Variants in ANO3 observed in about 807,000 individuals in gnomAD.
The protein encoded by ANO3 is anoctamin-3.
Under a neutral mutation model 144.8 loss-of-function variants are expected in ANO3, and 99 were observed. The ratio of observed to expected loss-of-function variants is 0.68; its 90% CI spans 0.58 to 0.81. The LOEUF is 0.81. ANO3 is among the 30% of genes least tolerant of loss of function. The pLI is 0.00. For missense variants in ANO3, 905 were observed against 1,202.2 expected (o/e 0.75, Z 3.66); for synonymous variants, 414 against 392.6 (o/e 1.05, Z -0.64).
At chr11:26,298,481 A>G (rs1854143952) in intron 1 of ANO3, among the ~76,000 whole-genome samples, 1 of 152,226 alleles carries the variant, frequency 6.6e-6, no homozygotes, top group Non-Finnish European at 1.5e-5. Flanking sequence ...TGTGTTTTCA[A>G]TATTTGCAAT....
At chr11:26,631,042 T>C (rs1852761180) in intron 18 of ANO3, among the ~76,000 whole-genome samples, 1 of 151,886 alleles carries the variant, frequency 6.6e-6, no homozygotes, top group Non-Finnish European at 1.5e-5. Context: ...TTTTGAGCCA[T>C]TTTTTGAAAA....
chr11:26,239,775 G>A (rs1012499335), intron 1 of ANO3, among the ~76,000 whole-genome samples: 2 of 152,142 alleles, frequency 1.3e-5, no homozygotes, highest in Non-Finnish European at 2.9e-5. Flanking sequence ...TGTTCAATGA[G>A]TAATAAATAA....
chr11:26,447,874 C>T (rs1204030613), intron 3 of ANO3, among the ~76,000 whole-genome samples: 3 of 152,088 alleles, frequency 2.0e-5, no homozygotes, highest in Non-Finnish European at 2.9e-5. Flanking sequence ...GGAAGCCCCA[C>T]TACCATTGCC....
At chr11:26,281,796 C>G (rs1485545107) in intron 1 of ANO3, among the ~76,000 whole-genome samples, 1 of 151,998 alleles carries the variant, frequency 6.6e-6, no homozygotes, top group African/African-American at 2.4e-5. Flanking sequence ...ATATCTTTGC[C>G]CATTGTCCTT....
At chr11:26,482,682 G>A (rs1187777596) in intron 4 of ANO3, among the ~76,000 whole-genome samples, 1 of 152,106 alleles carries the variant, frequency 6.6e-6, no homozygotes, top group Non-Finnish European at 1.5e-5. Context: ...TAGTGGTGAA[G>A]CCTGGGCTAT....
chr11:26,402,218 C>T (rs578192694), intron 1 of ANO3, among the ~76,000 whole-genome samples: 1 of 152,004 alleles, frequency 6.6e-6, no homozygotes, highest in South Asian at 2.1e-4. Flanking sequence ...ATTACCACAT[C>T]GTCTTCCACA....
intron 1 of ANO3, among the ~76,000 whole-genome samples, chr11:26,266,579 G>A (rs191345907): frequency 2.7e-4 from 41 of 151,564 alleles, no homozygotes; most frequent in African/African-American, 6.5e-4. Flanking sequence ...GATTACAGGC[G>A]TCCGCCACCA....
At chr11:26,228,989 G>A (rs1852324816) in intron 1 of ANO3, among the ~76,000 whole-genome samples, 1 of 152,198 alleles carries the variant, frequency 6.6e-6, no homozygotes, top group African/African-American at 2.4e-5. Flanking sequence ...ATGCCATCCT[G>A]TGGCTAAAAC....
intron 1 of ANO3, among the ~76,000 whole-genome samples, chr11:26,372,568 T>C (rs1856291504): frequency 6.6e-6 from 1 of 152,228 alleles, no homozygotes; most frequent in Non-Finnish European, 1.5e-5. Flanking sequence ...TAAGTAACAG[T>C]GCTTTTTATA....
intron 14 of ANO3, among the ~76,000 whole-genome samples, chr11:26,564,732 CATATATATAT>C (rs66510170): frequency 0.011 from 284 of 25,190 alleles, 3 homozygotes; most frequent in African/African-American, 0.017. Flanking sequence ...CACACACACA[CATATATATAT>C]ATATATATAT....
intron 14 of ANO3, chr11:26,559,992 C>T (rs933432754): frequency 1.2e-5 from 5 of 408,134 alleles, no homozygotes; most frequent in Admixed American, 4.1e-5. Flanking sequence ...ATCTCTAAAA[C>T]CTAGACTTTC....
chr11:26,565,942 T>C (rs1335591091), intron 14 of ANO3: 1 of 1,455,272 alleles, frequency 6.9e-7, no homozygotes, highest in East Asian at 2.4e-5. Flanking sequence ...TAAAATACTC[T>C]GAGTTTTTAA....
At chr11:26,596,311 T>C (rs1851627370) in intron 14 of ANO3, among the ~76,000 whole-genome samples, 1 of 152,186 alleles carries the variant, frequency 6.6e-6, no homozygotes, top group Non-Finnish European at 1.5e-5. Context: ...TTTGGAAACA[T>C]AGTGGAAGGA....
At chr11:26,450,685 C>T (rs1475056238) in intron 3 of ANO3, among the ~76,000 whole-genome samples, 1 of 152,146 alleles carries the variant, frequency 6.6e-6, no homozygotes, top group Non-Finnish European at 1.5e-5. Flanking sequence ...ATATTAATTT[C>T]TTCTTATAAA....
At chr11:26,342,161 G>T (rs12790207) in intron 1 of ANO3, among the ~76,000 whole-genome samples, 47,449 of 151,944 alleles carry the variant, frequency 0.31, 7,541 homozygotes, top group African/African-American at 0.35. Flanking sequence ...ACCGGGAGTG[G>T]TGGAGCTAAG....
At chr11:26,299,972 C>A (rs1474472369) in intron 1 of ANO3, among the ~76,000 whole-genome samples, 6 of 151,938 alleles carry the variant, frequency 3.9e-5, no homozygotes, top group Non-Finnish European at 8.8e-5. Context: ...TGTTGGAAGA[C>A]AGGGTTTGAA....
Position 26,624,077 on chromosome 11 carries a change from C to T in ANO3, c.1837-385C>T, listed in dbSNP as rs1223245378. Among the ~76,000 whole-genome samples the T allele has an allele frequency of 2.6e-5, 4 of 152,226 alleles. No homozygotes were observed. In the South Asian group the frequency reaches 6.2e-4, roughly 24 times the overall value. On this transcript the variant is annotated intron_variant, in intron 17 of 26. Transcript: ENST00000256737. ...CTGGGATTACAGGCGTGAGCCACCGCGCCCGGCCAAAAAACTGTAATTTTG... is the reference window on the plus strand; with the variant it reads ...CTGGGATTACAGGCGTGAGCCACCGTGCCCGGCCAAAAAACTGTAATTTTG...
intron 12 of ANO3, among the ~76,000 whole-genome samples, chr11:26,552,349 A>G (rs567859208): frequency 3.3e-4 from 50 of 152,216 alleles, no homozygotes; most frequent in Non-Finnish European, 6.2e-4. Flanking sequence ...TGTAAAAACA[A>G]CAAATCTTGC....
intron 3 of ANO3, among the ~76,000 whole-genome samples, chr11:26,456,770 G>T (rs1408527594): frequency 7.6e-6 from 1 of 130,920 alleles, no homozygotes; most frequent in African/African-American, 3.1e-5. Flanking sequence ...AAAGACACAT[G>T]CACACGTATG....
Sources: gnomAD v4.1 joint callset for allele counts (sites outside exome capture counted in the v4.1 genomes callset) on GRCh38, gnomAD v4.1.1 for gene constraint, MANE v1.5 for transcripts, NCBI Gene and HGNC (gene_info 2026-07-23, HGNC 2026-07-21) for gene names.